The following C5orf24 variants were observed in gnomAD, a reference collection of about 807,000 sequenced individuals.
C5orf24 encodes UPF0461 protein C5orf24.
Under a neutral mutation model 9.8 loss-of-function variants are expected in C5orf24, and 4 were observed. The observed-to-expected ratio is 0.41, with a 90% CI of 0.20 to 0.93. The LOEUF is 0.93. C5orf24 is among the 40% of genes least tolerant of loss of function. The probability of loss-of-function intolerance (pLI) is 0.33; values close to 1 mark genes in which losing one functional copy is unlikely to be tolerated. For missense variants in C5orf24, 170 were observed against 236.9 expected (o/e 0.72, Z 1.85); for synonymous variants, 73 against 81.3 (o/e 0.90, Z 0.55).
chr5:134,840,016 A>G, the C5orf24 span, among the ~76,000 whole-genome samples: 1 of 152,114 alleles, frequency 6.6e-6, no homozygotes, highest in Non-Finnish European at 1.5e-5. Flanking sequence ...TAACCTTAAG[A>G]ACAGGTAAGT....
rs1476174219 is a variant in C5orf24 at position 134,857,064 on chromosome 5, TTTC to T, written c.*1603_*1605del. 8.0e-6 allele frequency: 9 copies of T among 1,126,446 alleles called. No homozygotes were observed. The East Asian group carries it at 3.3e-4, about 42-fold the overall frequency. The allele number at this position is 1,126,446 out of a possible 1,614,324, so 69.8% of individuals were successfully genotyped here. A position where few individuals can be genotyped will look rare whatever the true frequency, so the allele number is the denominator to read the frequency against. On this transcript the variant is annotated 3_prime_UTR_variant, in exon 2 of 2. Coordinates refer to ENST00000394976, the MANE Select transcript of C5orf24 (RefSeq NM_001135586.1). ...TGTATAGTAGGGACAGAGGGAAATC[TTTC>T]TTCTTTCCTTTCTGAAAGTAATACT... is the stretch of plus-strand genomic sequence containing the variant.
chr5:134,847,998 G>A (rs1756043759), intron 1 of C5orf24, among the ~76,000 whole-genome samples: 1 of 152,136 alleles, frequency 6.6e-6, no homozygotes, highest in East Asian at 1.9e-4. Context: ...CCACCGCGCC[G>A]GACCATTCTG....
upstream of C5orf24, among the ~76,000 whole-genome samples, chr5:134,841,523 G>A (rs1755893553): frequency 6.6e-6 from 1 of 152,068 alleles, no homozygotes; most frequent in South Asian, 2.1e-4. Flanking sequence ...GGAGGTGGAG[G>A]TTGCAGGGAA....
At chr5:134,839,192 C>A in the C5orf24 span, among the ~76,000 whole-genome samples, 3 of 149,974 alleles carry the variant, frequency 2.0e-5, no homozygotes, top group Non-Finnish European at 4.4e-5. Context: ...CAGAGCAAGA[C>A]CCTGTCTCAA....
Position 134,857,691 on chromosome 5 carries a change from A to G in C5orf24, c.*2224A>G, listed in dbSNP as rs1756350201. The G allele has an allele frequency of 3.4e-6, 1 of 291,394 alleles. No homozygotes were observed. Among genetic ancestry groups the G allele is most frequent in the Non-Finnish European group, 6.6e-6 (1 of 150,830 alleles). 18.1% of individuals were successfully genotyped at this position (291,394 alleles called of 1,614,324 possible). On this transcript the variant is annotated 3_prime_UTR_variant, in exon 2 of 2. Coordinates refer to ENST00000394976, the MANE Select transcript of C5orf24 (RefSeq NM_001135586.1). ...CTCTTTATTCATATGTTCGTTACCT[A>G]CTCTGTACATGTATCTGTCATTTAG...
At chr5:134,839,691 CTT>C in the C5orf24 span, among the ~76,000 whole-genome samples, 856 of 135,232 alleles carry the variant, frequency 6.3e-3, 2 homozygotes, top group Non-Finnish European at 8.7e-3. Flanking sequence ...GTAACTTTAC[CTT>C]TTTTTTTTTT....
At chr5:134,843,531 G>A (rs1037871358), upstream of C5orf24, among the ~76,000 whole-genome samples, 5 of 151,838 alleles carry the variant, frequency 3.3e-5, no homozygotes, top group African/African-American at 4.8e-5. Flanking sequence ...AGGCTCAAGC[G>A]ATCCTCCCGC....
At chr5:134,839,211 A>C in the C5orf24 span, among the ~76,000 whole-genome samples, 3 of 152,000 alleles carry the variant, frequency 2.0e-5, no homozygotes, top group Admixed American at 6.6e-5. Context: ...AAAAAAAAAA[A>C]AAAACCCAAT....
At chr5:134,846,887 A>C (rs1015618936) in intron 1 of C5orf24, 3 of 152,218 alleles carry the variant, frequency 2.0e-5, no homozygotes, top group African/African-American at 7.2e-5. Context: ...CTTCATTTAG[A>C]ATTATGAAAC....
Position 134,856,747 on chromosome 5 carries a change from T to C in C5orf24, c.*1280T>C. 1 of 999,974 alleles carries C rather than the reference T, an allele frequency of 1.0e-6. No individual in the cohort carries two copies. The highest frequency in any genetic ancestry group is 4.7e-5 in the South Asian group (1 of 21,288). 61.9% of individuals were successfully genotyped at this position (999,974 alleles called of 1,614,324 possible). On this transcript the variant is annotated 3_prime_UTR_variant, in exon 2 of 2. Coordinates refer to ENST00000394976, the MANE Select transcript of C5orf24 (RefSeq NM_001135586.1). Reference sequence around the variant, plus strand: ...TAGTTTTTCTCAGAAATTGTCCCATTGCATTAGCACTTACTGTGTTTTCAG... The same window carrying C: ...TAGTTTTTCTCAGAAATTGTCCCATCGCATTAGCACTTACTGTGTTTTCAG...
rs767359794 is a variant in C5orf24 at position 134,854,880 on chromosome 5, G to A, written c.-3-18G>A. The A allele has an allele frequency of 2.5e-6, 4 of 1,611,420 alleles. No individual in the cohort carries two copies. Among genetic ancestry groups the A allele is most frequent in the Non-Finnish European group, 3.4e-6 (4 of 1,179,372 alleles). ...TGTGTGTGTGTATTTATATATATTTGTCTTTTATTTTTGGTAGAAAATGAT... is the reference window on the plus strand; with the variant it reads ...TGTGTGTGTGTATTTATATATATTTATCTTTTATTTTTGGTAGAAAATGAT... On this transcript the variant is annotated intron_variant, in intron 1 of 1. Coordinates refer to ENST00000394976, the MANE Select transcript of C5orf24 (RefSeq NM_001135586.1).
upstream of C5orf24, among the ~76,000 whole-genome samples, chr5:134,842,132 G>A (rs1382577804): frequency 6.6e-6 from 1 of 152,120 alleles, no homozygotes; most frequent in Admixed American, 6.6e-5. Flanking sequence ...CTATTGTGAA[G>A]ATAGTTTAGA....
chr5:134,842,217 CGGT>C (rs1755903476), upstream of C5orf24, among the ~76,000 whole-genome samples: 1 of 152,020 alleles, frequency 6.6e-6, no homozygotes, highest in African/African-American at 2.4e-5. Flanking sequence ...TGGCTGCACA[CGGT>C]GGCTCCTGCC....
At chr5:134,839,391 CTTG>C in the C5orf24 span, among the ~76,000 whole-genome samples, 1 of 152,074 alleles carries the variant, frequency 6.6e-6, no homozygotes, top group African/African-American at 2.4e-5. Context: ...TTAATAAATA[CTTG>C]TTGAATTGTT....
chr5:134,835,304 G>A, the C5orf24 span, among the ~76,000 whole-genome samples: 3 of 152,214 alleles, frequency 2.0e-5, no homozygotes, highest in Non-Finnish European at 4.4e-5. Context: ...TTGACTGCCT[G>A]TGAACTAAAG....
the C5orf24 span, among the ~76,000 whole-genome samples, chr5:134,837,111 C>G: frequency 1.3e-5 from 2 of 151,956 alleles, no homozygotes; most frequent in South Asian, 4.2e-4. Flanking sequence ...GTAGCTGGGA[C>G]TATAGGCATG....
intron 1 of C5orf24, among the ~76,000 whole-genome samples, chr5:134,852,968 A>G (rs573894954): frequency 6.6e-6 from 1 of 152,280 alleles, no homozygotes; most frequent in East Asian, 1.9e-4. Flanking sequence ...GATCAAGACC[A>G]TCCTGGCTAA....
intron 1 of C5orf24, 32 bp from the exon 2 acceptor site, chr5:134,854,866 A>G (rs902397009): frequency 4.1e-5 from 66 of 1,604,972 alleles, no homozygotes; most frequent in Admixed American, 8.5e-5. Context: ...GTGTGTGTGT[A>G]TTTATATATA....
At chr5:134,845,824 C>T (rs1467463685), upstream of C5orf24, 2 of 152,306 alleles carry the variant, frequency 1.3e-5, no homozygotes, top group East Asian at 1.9e-4. Context: ...GCAGCTCAGG[C>T]TTAAGGCCAC....
Sources: allele counts gnomAD v4.1 joint callset (sites outside exome capture counted in the v4.1 genomes callset), GRCh38; gene constraint gnomAD v4.1.1; transcripts MANE v1.5; gene names NCBI Gene and HGNC (gene_info 2026-07-23, HGNC 2026-07-21).